The following RCAN2 variants were observed in gnomAD, a reference collection of about 807,000 sequenced individuals.
RCAN2 encodes the protein regulator of calcineurin 2.
A neutral mutation model predicts 23.6 loss-of-function variants in RCAN2; 9 were observed. The ratio of observed to expected loss-of-function variants is 0.38; its 90% CI spans 0.23 to 0.67. The LOEUF is 0.67. Ranked by LOEUF, RCAN2 falls within the 30% of genes least tolerant of loss-of-function variation. The pLI is 0.51. For missense variants in RCAN2, 273 were observed against 302.3 expected, an observed-to-expected ratio of 0.90 and a Z score of 0.72; for synonymous variants, 109 against 115.7, an observed-to-expected ratio of 0.94 and a Z score of 0.37.
At chr6:46,398,270 A>G (rs1766149512) in intron 2 of RCAN2, among the ~76,000 whole-genome samples, 1 of 152,190 alleles carries the variant, frequency 6.6e-6, no homozygotes. Context: ...TAAATTTTCT[A>G]AAATGTCTAC....
intron 2 of RCAN2, among the ~76,000 whole-genome samples, chr6:46,348,881 C>T (rs1335187705): frequency 6.6e-6 from 1 of 152,072 alleles, no homozygotes; most frequent in Non-Finnish European, 1.5e-5. Context: ...CAATTATTCC[C>T]CCTCTGCTTT....
intron 2 of RCAN2, among the ~76,000 whole-genome samples, chr6:46,364,731 G>C (rs935072212): frequency 1.3e-5 from 2 of 152,152 alleles, no homozygotes; most frequent in Non-Finnish European, 2.9e-5. Context: ...CCAGCAAAGG[G>C]TGCTATCACC....
chr6:46,319,241 T>C (rs1283892989), intron 2 of RCAN2, among the ~76,000 whole-genome samples: 1 of 152,212 alleles, frequency 6.6e-6, no homozygotes, highest in East Asian at 1.9e-4. Context: ...GGTATCATTT[T>C]CTTTCTTATG....
chr6:46,438,316 C>T (rs780866964), intron 2 of RCAN2: 2 of 152,204 alleles, frequency 1.3e-5, no homozygotes, highest in Admixed American at 6.5e-5. Flanking sequence ...AGTCATGGCT[C>T]TGTGCTATCC....
At chr6:46,441,801 A>C (rs1229357460) in intron 2 of RCAN2, among the ~76,000 whole-genome samples, 4 of 152,212 alleles carry the variant, frequency 2.6e-5, no homozygotes, top group Admixed American at 6.5e-5. Context: ...CATTTTGCTA[A>C]AAGGGGCAGG....
chr6:46,419,146 C>T (rs1031530567), intron 2 of RCAN2, among the ~76,000 whole-genome samples: 1 of 152,146 alleles, frequency 6.6e-6, no homozygotes, highest in Non-Finnish European at 1.5e-5. Flanking sequence ...CTCTTCTCAA[C>T]CCTACATTTA....
intron 2 of RCAN2, among the ~76,000 whole-genome samples, chr6:46,326,568 C>A (rs897758781): frequency 2.6e-5 from 4 of 152,204 alleles, no homozygotes; most frequent in Non-Finnish European, 5.9e-5. Context: ...ATAAATAAAT[C>A]AATCAAACAG....
chr6:46,417,272 T>C (rs879343705), intron 2 of RCAN2, among the ~76,000 whole-genome samples: 1 of 152,214 alleles, frequency 6.6e-6, no homozygotes, highest in Non-Finnish European at 1.5e-5. Context: ...TACTGAGTGT[T>C]AGCTTCATTC....
intron 4 of RCAN2, among the ~76,000 whole-genome samples, chr6:46,240,032 G>C (rs1335370417): frequency 6.6e-6 from 1 of 152,150 alleles, no homozygotes; most frequent in Non-Finnish European, 1.5e-5. Context: ...AGAGTAAAGG[G>C]GCTCCTCCAC....
rs568780534 is a variant in RCAN2 at position 46,472,526 on chromosome 6, G to A, written c.-2-15548C>T. ...ATTCCCCTGTGCTCAGCCAGGCAAC[G>A]GAGAGGACAGTGAAGATGTTTAACT... On this transcript the variant is annotated intron_variant, in intron 1 of 4. Transcript: ENST00000371374. Among the ~76,000 whole-genome samples the A allele has an allele frequency of 3.2e-4, 49 of 152,168 alleles. 2 individuals are homozygous for A. In the Middle Eastern group the frequency reaches 0.027, roughly 85 times the overall value.
chr6:46,241,523 A>G (rs1766305100), intron 4 of RCAN2, among the ~76,000 whole-genome samples: 1 of 152,256 alleles, frequency 6.6e-6, no homozygotes. Context: ...GAATTGATGC[A>G]GTAGTGTGTT....
intron 1 of RCAN2, among the ~76,000 whole-genome samples, chr6:46,490,893 G>A (rs1483444116): frequency 1.3e-5 from 2 of 152,068 alleles, no homozygotes; most frequent in Non-Finnish European, 2.9e-5. Context: ...TGGGGAAGGG[G>A]CTCCTTTGGA....
chr6:46,422,619 C>A (rs1766915449), intron 2 of RCAN2, among the ~76,000 whole-genome samples: 1 of 152,056 alleles, frequency 6.6e-6, no homozygotes, highest in Non-Finnish European at 1.5e-5. Context: ...AATTTCAAAG[C>A]CAAATTTAGT....
chr6:46,320,517 ACT>A (rs1381608117), intron 2 of RCAN2, among the ~76,000 whole-genome samples: 1 of 152,102 alleles, frequency 6.6e-6, no homozygotes, highest in African/African-American at 2.4e-5. Flanking sequence ...AAACAAATAG[ACT>A]CTGACTCAGT....
At chr6:46,253,788 T>A (rs1022112534) in intron 2 of RCAN2, among the ~76,000 whole-genome samples, 13 of 152,206 alleles carry the variant, frequency 8.5e-5, no homozygotes, top group Admixed American at 6.5e-4. Context: ...AAGATTATAA[T>A]ACCATATTTT....
intron 2 of RCAN2, among the ~76,000 whole-genome samples, chr6:46,381,128 A>G (rs1261994915): frequency 6.6e-6 from 1 of 152,180 alleles, no homozygotes; most frequent in African/African-American, 2.4e-5. Flanking sequence ...CGTGAAGTAT[A>G]TTTATAAGTG....
chr6:46,325,666 G>C, intron 2 of RCAN2: 1 of 1,398,008 alleles, frequency 7.2e-7, no homozygotes, highest in Non-Finnish European at 9.3e-7. Flanking sequence ...CAGCACAGCA[G>C]AGTAACGAAC....
intron 2 of RCAN2, among the ~76,000 whole-genome samples, chr6:46,283,296 A>T (rs578014929): frequency 6.6e-6 from 1 of 152,128 alleles, no homozygotes; most frequent in Non-Finnish European, 1.5e-5. Flanking sequence ...AAACAACATT[A>T]GTTGGGCATG....
At chr6:46,488,380 T>A (rs1769051745) in intron 1 of RCAN2, among the ~76,000 whole-genome samples, 1 of 152,228 alleles carries the variant, frequency 6.6e-6, no homozygotes, top group African/African-American at 2.4e-5. Flanking sequence ...TTCCTTGTGT[T>A]CAGTATGTAG....
Sources: allele counts gnomAD v4.1 joint callset (sites outside exome capture counted in the v4.1 genomes callset), GRCh38; gene constraint gnomAD v4.1.1; transcripts MANE v1.5; gene names NCBI Gene and HGNC (gene_info 2026-07-23, HGNC 2026-07-21).